The following PON2 variants were observed in gnomAD, a reference collection of about 807,000 sequenced individuals.
PON2 encodes serum paraoxonase/arylesterase 2.
PON2 carries 27 observed loss-of-function variants against 36.6 expected under a neutral mutation model. The observed-to-expected ratio is 0.74, with a 90% CI of 0.54 to 1.02. The LOEUF is 1.02. PON2 is among the 50% of genes least tolerant of loss of function. PON2 has a pLI of 0.00. For missense variants in PON2, 363 were observed against 421.1 expected (o/e 0.86, Z 1.21); for synonymous variants, 149 against 156.3 (o/e 0.95, Z 0.35).
intron 1 of PON2, among the ~76,000 whole-genome samples, chr7:95,427,772 G>A (rs1462434986): frequency 6.6e-6 from 1 of 152,032 alleles, no homozygotes; most frequent in Non-Finnish European, 1.5e-5. Context: ...ACTTGTGGCT[G>A]GAAGCAATCC....
chr7:95,426,282 T>C (rs948095140), intron 1 of PON2, among the ~76,000 whole-genome samples: 7 of 151,998 alleles, frequency 4.6e-5, no homozygotes, highest in Admixed American at 1.3e-4. Context: ...AAAAAAAAAG[T>C]TTATGTAGCC....
chr7:95,415,045 A>C (rs1789030154), intron 3 of PON2: 1 of 152,134 alleles, frequency 6.6e-6, no homozygotes, highest in Admixed American at 6.5e-5. Context: ...CAACTATTTT[A>C]TTAGTGTGGT....
intron 8 of PON2, 89 bp from the exon 9 acceptor site, chr7:95,405,577 A>G (rs1809662724): frequency 7.9e-7 from 1 of 1,272,002 alleles, no homozygotes; most frequent in Non-Finnish European, 1.1e-6. Context: ...ACAATGACAC[A>G]CTGATTAAGG....
intron 2 of PON2, among the ~76,000 whole-genome samples, chr7:95,422,674 T>C (rs1001922899): frequency 2.0e-5 from 3 of 152,208 alleles, no homozygotes; most frequent in African/African-American, 7.2e-5. Context: ...ATGTTACCTA[T>C]TCAGAGAAGA....
rs140469412 is a variant in PON2, at chr7:95,419,331, G to A, written c.146-3034C>T. On this transcript the variant is annotated intron_variant, in intron 2 of 8. Transcript: ENST00000222572. Reference sequence around the variant, plus strand: ...AGGGAAGTTGGGGGGGATCTGGGGAGGGTATCCACTGCATCCACTGCTCAG... The same window carrying A: ...AGGGAAGTTGGGGGGGATCTGGGGAAGGTATCCACTGCATCCACTGCTCAG... Among the ~76,000 whole-genome samples the A allele has an allele frequency of 4.6e-5, 7 of 152,216 alleles. No individual in the cohort carries two copies. In the East Asian group the frequency reaches 1.4e-3, roughly 29 times the overall value.
intron 8 of PON2, 59 bp downstream of exon 8, chr7:95,406,060 G>A: frequency 1.3e-6 from 2 of 1,519,522 alleles, no homozygotes; most frequent in South Asian, 2.3e-5. Context: ...ACAATTTATT[G>A]TATTATTAGT....
chr7:95,415,925 C>T (rs992111494), intron 3 of PON2: 10 of 343,128 alleles, frequency 2.9e-5, no homozygotes, highest in Admixed American at 9.0e-5. Flanking sequence ...GCACTCCAGC[C>T]GGGGCAACCA....
chr7:95,405,848 T>C (rs540306875), intron 8 of PON2, among the ~76,000 whole-genome samples: 1 of 152,328 alleles, frequency 6.6e-6, no homozygotes, highest in Admixed American at 6.5e-5. Flanking sequence ...ATTGCCAGTA[T>C]ACCACCCAAG....
intron 1 of PON2, among the ~76,000 whole-genome samples, chr7:95,429,398 G>A (rs1273354938): frequency 1.3e-5 from 2 of 152,148 alleles, no homozygotes; most frequent in African/African-American, 4.8e-5. Flanking sequence ...ATTCCATGGT[G>A]TATATGTGCC....
Position 95,434,963 on chromosome 7 carries a change from C to T in PON2, c.-12G>A. The T allele has an allele frequency of 2.0e-6, 3 of 1,522,920 alleles. No homozygotes were observed. Among genetic ancestry groups the T allele is most frequent in the South Asian group, 2.4e-5 (2 of 82,066 alleles). The allele number at this position is 1,522,920 out of a possible 1,614,324, so 94.3% of individuals were successfully genotyped here. ...ACCAGCCGCCCCATGGCGCGGGAGC[C>T]GGGCGCGCTGCCTCGCTCCGGCCTG... is the stretch of plus-strand genomic sequence containing the variant. On this transcript the variant is annotated 5_prime_UTR_variant, in exon 1 of 9. Transcript: ENST00000222572.
At chr7:95,421,015 G>C (rs905597224) in intron 2 of PON2, among the ~76,000 whole-genome samples, 3 of 152,094 alleles carry the variant, frequency 2.0e-5, no homozygotes, top group African/African-American at 7.2e-5. Flanking sequence ...ATTCTAATTA[G>C]ATCTAAAAAT....
At position 95,434,998 on chromosome 7, in the gene PON2, T is replaced by C; in HGVS notation, c.-47A>G. On this transcript the variant is annotated 5_prime_UTR_variant, in exon 1 of 9. Coordinates refer to ENST00000222572, the MANE Select transcript of PON2 (RefSeq NM_000305.3). ...GCCTCGCTCCGGCCTGGCCAGCAGC[T>C]CCGTGGGCGGTGCCATCTTCCCGGC... The C allele has an allele frequency of 6.7e-7, 1 of 1,489,136 alleles. No individual in the cohort carries two copies. The allele number at this position is 1,489,136 out of a possible 1,614,324, so 92.2% of individuals were successfully genotyped here.
At chr7:95,431,313 T>C (rs943088798) in intron 1 of PON2, among the ~76,000 whole-genome samples, 5 of 152,142 alleles carry the variant, frequency 3.3e-5, no homozygotes. Context: ...TCTCTAAATA[T>C]TGAATAATCA....
At chr7:95,424,264 A>G (rs1789262177) in intron 2 of PON2, 1 of 520,352 alleles carries the variant, frequency 1.9e-6, no homozygotes, top group African/African-American at 1.9e-5. Flanking sequence ...CAGAGAAGTC[A>G]CAAAACAAGC....
rs771625847 is a variant in PON2 at position 95,406,267 on chromosome 7, C to CA, written c.778-21dup. The stretch of plus-strand genomic sequence containing the variant: ...AAGTACCTTCCAAATGAGAAATTGT[C>CA]AAAATCTAAATGACATGAGAAACTT... On this transcript the variant is annotated intron_variant, in intron 7 of 8. Transcript: ENST00000222572. The CA allele has an allele frequency of 1.9e-5, 31 of 1,605,624 alleles. No homozygotes were observed. The highest frequency in any genetic ancestry group is 3.3e-5 in the Admixed American group (2 of 59,948).
intron 2 of PON2, 103 bp downstream of exon 2, chr7:95,424,412 C>A (rs1789265417): frequency 1.1e-6 from 1 of 913,994 alleles, no homozygotes; most frequent in African/African-American, 1.6e-5. Flanking sequence ...TGTGATTTAT[C>A]CACTGAAAAG....
At chr7:95,405,985 TACAAAACCACG>T in intron 8 of PON2, 123 bp downstream of exon 8, 1 of 1,053,938 alleles carries the variant, frequency 9.5e-7, no homozygotes, top group East Asian at 2.6e-5. Context: ...TTAACGCAAT[TACAAAACCACG>T]ACATAAGCTT....
chr7:95,406,185 C>T lies in PON2; in HGVS notation c.840G>A (p.Trp280Ter). 2 of 1,612,710 alleles carry T rather than the reference C, an allele frequency of 1.2e-6. No individual in the cohort carries two copies. Residue 280 changes from tryptophan (W) to a stop codon, truncating the protein, a stop_gained, in exon 8 of 9, where the codon TGG (tryptophan) becomes TGA (stop). Transcript: ENST00000222572. LOFTEE classifies it high-confidence loss of function. ...LSIDPSSGDI[W>*]VGCHPNGQKL... ...TCTGGCCATTAGGATGACAGCCTAC[C>T]CAGATGTCCCCCGAGGAAGGATCAA... is the stretch of plus-strand genomic sequence containing the variant.
chr7:95,424,806 G>A (rs964709583), intron 1 of PON2, among the ~76,000 whole-genome samples: 2 of 136,322 alleles, frequency 1.5e-5, no homozygotes, highest in African/African-American at 2.6e-5. Flanking sequence ...ATATACTGAT[G>A]TGGGTTATTA....
Sources: gnomAD v4.1 joint callset for allele counts (sites outside exome capture counted in the v4.1 genomes callset) on GRCh38, gnomAD v4.1.1 for gene constraint, MANE v1.5 for transcripts, NCBI Gene and HGNC (gene_info 2026-07-23, HGNC 2026-07-21) for gene names.